The following ANKRD12 variants were observed in gnomAD, a reference collection of about 807,000 sequenced individuals.
The protein encoded by ANKRD12 is ankyrin repeat domain-containing protein 12.
In ANKRD12, 85 loss-of-function variants were observed where a neutral mutation model predicts 183.4. That is an observed-to-expected ratio of 0.46 (90% CI 0.39 to 0.56). The LOEUF (loss-of-function observed/expected upper bound fraction) is 0.56. ANKRD12 is among the 20% of genes least tolerant of loss of function. ANKRD12 has a pLI of 0.00. For missense variants in ANKRD12, 2,405 were observed against 2,357.1 expected (o/e 1.02, Z -0.42); for synonymous variants, 914 against 800.2 (o/e 1.14, Z -2.40).
chr18:9,203,959 C>T (rs2035332815), intron 3 of ANKRD12, among the ~76,000 whole-genome samples: 1 of 152,170 alleles, frequency 6.6e-6, no homozygotes. Flanking sequence ...TACTTTCTTT[C>T]CAGACGGTCT....
chr18:9,269,767 G>A (rs1164810095), intron 10 of ANKRD12, among the ~76,000 whole-genome samples: 9 of 152,154 alleles, frequency 5.9e-5, no homozygotes, highest in Admixed American at 6.5e-5. Context: ...AAAATTGACA[G>A]ATGGGATCTA....
At chr18:9,224,190 A>C (rs2144778885) in intron 8 of ANKRD12, among the ~76,000 whole-genome samples, 1 of 152,330 alleles carries the variant, frequency 6.6e-6, no homozygotes, top group African/African-American at 2.4e-5. Context: ...AGAACCACAA[A>C]AGTTATAAAA....
chr18:9,207,307 A>G lies in ANKRD12; in HGVS notation c.305-1350A>G, dbSNP rs568419144. On this transcript the variant is annotated intron_variant, in intron 4 of 12. Transcript: ENST00000262126. ...TGATAATGAAATAATAAATATGAAAAGATTATACTGGAAAAAAATAAAGTT... is the reference window on the plus strand; with the variant it reads ...TGATAATGAAATAATAAATATGAAAGGATTATACTGGAAAAAAATAAAGTT... 2.4e-4 allele frequency among the ~76,000 whole-genome samples: 37 copies of G among 152,268 alleles called. No homozygotes were observed. The South Asian group carries it at 5.4e-3, about 22-fold the overall frequency.
chr18:9,198,884 G>C (rs1567907031), intron 3 of ANKRD12, among the ~76,000 whole-genome samples: 1 of 152,016 alleles, frequency 6.6e-6, no homozygotes, highest in Non-Finnish European at 1.5e-5. Flanking sequence ...CTTTAAGAAT[G>C]TTTATCTCAG....
intron 1 of ANKRD12, among the ~76,000 whole-genome samples, chr18:9,175,798 A>C (rs539657402): frequency 9.4e-4 from 143 of 151,882 alleles, no homozygotes; most frequent in African/African-American, 3.4e-3. Context: ...AAAGTGCTAG[A>C]ATTACAGGTG....
At chr18:9,164,004 T>C (rs568412239) in intron 1 of ANKRD12, among the ~76,000 whole-genome samples, 51 of 152,320 alleles carry the variant, frequency 3.3e-4, no homozygotes, top group African/African-American at 1.0e-3. Context: ...TCTCTTCCTA[T>C]TGGAATGCCT....
At chr18:9,226,684 A>G (rs535722468) in intron 8 of ANKRD12, among the ~76,000 whole-genome samples, 8 of 147,884 alleles carry the variant, frequency 5.4e-5, no homozygotes, top group African/African-American at 2.0e-4. Flanking sequence ...AGCAGCACCT[A>G]GACTGTGTGA....
At chr18:9,278,757 C>T (rs1300669289) in intron 11 of ANKRD12, among the ~76,000 whole-genome samples, 6 of 151,530 alleles carry the variant, frequency 4.0e-5, no homozygotes, top group African/African-American at 9.7e-5. Context: ...AGATTCCAGC[C>T]TGGGTAACAG....
At chr18:9,137,903 A>G (rs895187875) in intron 1 of ANKRD12, 6 of 152,250 alleles carry the variant, frequency 3.9e-5, no homozygotes, top group African/African-American at 1.4e-4. Context: ...CAGCTGTTTT[A>G]GTAATAACAG....
chr18:9,246,684 C>T (rs575791739), intron 8 of ANKRD12, among the ~76,000 whole-genome samples: 1 of 152,202 alleles, frequency 6.6e-6, no homozygotes, highest in South Asian at 2.1e-4. Context: ...TTGAATTTGG[C>T]AGTATTTGAT....
At chr18:9,163,293 A>G (rs1468784654) in intron 1 of ANKRD12, among the ~76,000 whole-genome samples, 1 of 152,188 alleles carries the variant, frequency 6.6e-6, no homozygotes, top group Non-Finnish European at 1.5e-5. Flanking sequence ...CATTTATTAA[A>G]TAGGGAATCC....
intron 1 of ANKRD12, among the ~76,000 whole-genome samples, chr18:9,157,075 G>A (rs62085885): frequency 6.6e-6 from 1 of 152,170 alleles, no homozygotes; most frequent in Non-Finnish European, 1.5e-5. Flanking sequence ...CAGTGTGGAT[G>A]TTACTCAGTG....
At chr18:9,272,814 G>A (rs996653822) in intron 10 of ANKRD12, among the ~76,000 whole-genome samples, 2 of 152,088 alleles carry the variant, frequency 1.3e-5, no homozygotes, top group Non-Finnish European at 2.9e-5. Context: ...AAGTTAATTA[G>A]GACCATGTTT....
At chr18:9,204,028 G>T (rs2035336829) in intron 3 of ANKRD12, among the ~76,000 whole-genome samples, 1 of 152,226 alleles carries the variant, frequency 6.6e-6, no homozygotes, top group Non-Finnish European at 1.5e-5. Flanking sequence ...TTGTGGAAAG[G>T]TCTGTGGTGT....
chr18:9,218,210 C>G (rs1245594655), intron 7 of ANKRD12, among the ~76,000 whole-genome samples: 1 of 152,162 alleles, frequency 6.6e-6, no homozygotes, highest in South Asian at 2.1e-4. Flanking sequence ...CACATAGCTG[C>G]AGAATATTTC....
intron 1 of ANKRD12, among the ~76,000 whole-genome samples, chr18:9,157,327 C>T (rs181087782): frequency 4.6e-4 from 70 of 152,076 alleles, no homozygotes; most frequent in African/African-American, 1.6e-3. Context: ...CCCCTGTCAT[C>T]GTGTGGCTGA....
intron 8 of ANKRD12, among the ~76,000 whole-genome samples, chr18:9,226,768 A>G (rs1408664258): frequency 6.6e-6 from 1 of 152,186 alleles, no homozygotes; most frequent in Non-Finnish European, 1.5e-5. Context: ...AAGGGATATA[A>G]CATCACTTTT....
intron 2 of ANKRD12, among the ~76,000 whole-genome samples, chr18:9,190,635 A>ACC (rs1012380461): frequency 6.6e-6 from 1 of 152,150 alleles, no homozygotes; most frequent in African/African-American, 2.4e-5. Context: ...TGTAATAGCC[A>ACC]CCCCAACCAT....
At chr18:9,241,847 A>AT in intron 8 of ANKRD12, among the ~76,000 whole-genome samples, 2 of 151,662 alleles carry the variant, frequency 1.3e-5, no homozygotes, top group African/African-American at 4.8e-5. Flanking sequence ...TAAATTAATT[A>AT]TATCAGCCTA....
Sources: gnomAD v4.1 joint callset for allele counts (sites outside exome capture counted in the v4.1 genomes callset) on GRCh38, gnomAD v4.1.1 for gene constraint, MANE v1.5 for transcripts, NCBI Gene and HGNC (gene_info 2026-07-23, HGNC 2026-07-21) for gene names.